The following ATXN8OS variants were observed in gnomAD, a reference collection of about 807,000 sequenced individuals.
ATXN8OS encodes the protein ATXN8 opposite strand (non-protein coding).
intron 4 of ATXN8OS, among the ~76,000 whole-genome samples, chr13:70,150,964 A>T (rs913279605): frequency 5.3e-5 from 8 of 152,112 alleles, no homozygotes; most frequent in Admixed American, 2.0e-4. Context: ...ATATTTTTTT[A>T]AAAAACAGCT....
chr13:70,157,889 T>C (rs554647063), intron 4 of ATXN8OS, among the ~76,000 whole-genome samples: 22 of 152,084 alleles, frequency 1.4e-4, no homozygotes, highest in Non-Finnish European at 2.8e-4. Context: ...TAAAATGGAG[T>C]ATGGGTGCAA....
intron 4 of ATXN8OS, among the ~76,000 whole-genome samples, chr13:70,167,938 G>A (rs867970423): frequency 3.3e-5 from 5 of 151,748 alleles, no homozygotes; most frequent in Non-Finnish European, 7.4e-5. Context: ...GGGTTTCACC[G>A]TGTGATCTCA....
intron 3 of ATXN8OS, chr13:70,139,379 TA>T: frequency 4.7e-6 from 3 of 643,426 alleles, no homozygotes; most frequent in Admixed American, 5.0e-5. Context: ...CTACTACTAC[TA>T]CTACTGCTGC....
intron 4 of ATXN8OS, among the ~76,000 whole-genome samples, chr13:70,153,398 T>TC (rs1888896445): frequency 6.6e-6 from 1 of 151,476 alleles, no homozygotes; most frequent in Non-Finnish European, 1.5e-5. Flanking sequence ...CATAGTGAAA[T>TC]CCCATCTCTA....
intron 4 of ATXN8OS, among the ~76,000 whole-genome samples, chr13:70,167,501 G>A (rs2137508471): frequency 6.6e-6 from 1 of 151,948 alleles, no homozygotes; most frequent in Admixed American, 6.6e-5. Context: ...CACACTCTGG[G>A]GACTGTTGTG....
At chr13:70,110,755 G>A (rs1282590475) in intron 1 of ATXN8OS, among the ~76,000 whole-genome samples, 2 of 151,848 alleles carry the variant, frequency 1.3e-5, no homozygotes, top group Admixed American at 6.6e-5. Flanking sequence ...TGATCACTTA[G>A]GTCCAATGTA....
chr13:70,114,431 T>A (rs946813200), intron 1 of ATXN8OS, among the ~76,000 whole-genome samples: 3 of 152,162 alleles, frequency 2.0e-5, no homozygotes, highest in Admixed American at 1.3e-4. Context: ...CAGATAAATC[T>A]GTAAATTAAA....
intron 3 of ATXN8OS, among the ~76,000 whole-genome samples, chr13:70,132,933 A>C (rs146145535): frequency 1.3e-5 from 2 of 152,246 alleles, no homozygotes; most frequent in Non-Finnish European, 2.9e-5. Context: ...TCTGTCACCT[A>C]AGTGGATTGC....
intron 1 of ATXN8OS, among the ~76,000 whole-genome samples, chr13:70,113,107 A>G (rs1444511207): frequency 6.6e-6 from 1 of 151,494 alleles, no homozygotes; most frequent in Non-Finnish European, 1.5e-5. Flanking sequence ...TTTTTAGTAG[A>G]GACGGGGTTT....
intron 3 of ATXN8OS, chr13:70,131,172 T>C (rs1888528058): frequency 2.5e-6 from 1 of 398,342 alleles, no homozygotes; most frequent in South Asian, 1.3e-4. Flanking sequence ...CTAAGGAAAG[T>C]CAATATAGAG....
intron 4 of ATXN8OS, among the ~76,000 whole-genome samples, chr13:70,153,507 G>A (rs1740828015): frequency 1.3e-5 from 2 of 152,216 alleles, no homozygotes; most frequent in African/African-American, 4.8e-5. Context: ...CCCGGGAGAT[G>A]GAGGTTGCAG....
chr13:70,120,117 A>C (rs1343459415), intron 2 of ATXN8OS, among the ~76,000 whole-genome samples: 1 of 152,124 alleles, frequency 6.6e-6, no homozygotes, highest in Non-Finnish European at 1.5e-5. Flanking sequence ...ACATATTTGC[A>C]ATTTTTTCTT....
At chr13:70,128,679 C>T (rs1445872899) in intron 2 of ATXN8OS, among the ~76,000 whole-genome samples, 1 of 152,050 alleles carries the variant, frequency 6.6e-6, no homozygotes, top group Non-Finnish European at 1.5e-5. Context: ...TACTGTTTCC[C>T]ATAATGCAAA....
intron 2 of ATXN8OS, among the ~76,000 whole-genome samples, chr13:70,123,742 G>A (rs987179296): frequency 6.6e-6 from 1 of 152,090 alleles, no homozygotes; most frequent in African/African-American, 2.4e-5. Context: ...GAAGAAAGGA[G>A]TTATTTGTAC....
At chr13:70,158,202 G>A (rs1390569811) in intron 4 of ATXN8OS, among the ~76,000 whole-genome samples, 1 of 151,970 alleles carries the variant, frequency 6.6e-6, no homozygotes, top group African/African-American at 2.4e-5. Flanking sequence ...GGCAGATCAC[G>A]AGGTCAGGAG....
At chr13:70,169,214 T>A (rs142099484) in intron 4 of ATXN8OS, among the ~76,000 whole-genome samples, 320 of 152,254 alleles carry the variant, frequency 2.1e-3, no homozygotes, top group African/African-American at 7.1e-3. Context: ...AAGTGTAAGG[T>A]AATAAATAGC....
chr13:70,115,420 A>T (rs1296289310), intron 2 of ATXN8OS: 1 of 395,326 alleles, frequency 2.5e-6, no homozygotes, highest in Non-Finnish European at 4.5e-6. Context: ...CCAACAGAAG[A>T]ATGTGAAGAA....
chr13:70,113,053 G>T (rs1322686672), intron 1 of ATXN8OS, among the ~76,000 whole-genome samples: 1 of 150,762 alleles, frequency 6.6e-6, no homozygotes, highest in African/African-American at 2.4e-5. Context: ...CTCCCAAGTA[G>T]CTGGGACTAC....
At chr13:70,107,627 G>T, upstream of ATXN8OS, 1 of 1,574,880 alleles carries the variant, frequency 6.3e-7, no homozygotes, top group Non-Finnish European at 8.6e-7. Context: ...GAAGGAGACG[G>T]GTGGCTGAAG....
Sources: gnomAD v4.1 joint callset for allele counts (sites outside exome capture counted in the v4.1 genomes callset) on GRCh38, gnomAD v4.1.1 for gene constraint, MANE v1.5 for transcripts, NCBI Gene and HGNC (gene_info 2026-07-23, HGNC 2026-07-21) for gene names.